Variants in SGCZ observed in about 807,000 individuals in gnomAD.
SGCZ encodes zeta-sarcoglycan.
In SGCZ, 40 loss-of-function variants were observed where a neutral mutation model predicts 41.3. That is an observed-to-expected ratio of 0.97 (90% CI 0.75 to 1.26). The LOEUF (loss-of-function observed/expected upper bound fraction) is 1.26. Among genes scored for constraint, SGCZ ranks in the 50% most tolerant of loss-of-function variants. The probability of loss-of-function intolerance (pLI) is 0.00; values close to 1 mark genes in which losing one functional copy is unlikely to be tolerated. For synonymous variants in SGCZ, 206 were observed against 137.5 expected (o/e 1.50, Z -3.49); for missense variants, 552 against 369.8 (o/e 1.49, Z -4.04).
chr8:14,463,329 A>C (rs1380336846), intron 2 of SGCZ, among the ~76,000 whole-genome samples: 1 of 151,424 alleles, frequency 6.6e-6, no homozygotes, highest in Admixed American at 6.6e-5. Flanking sequence ...AGATACAGTA[A>C]TCAATAGTGT....
At chr8:15,164,319 T>G (rs145637126) in intron 1 of SGCZ, among the ~76,000 whole-genome samples, 167 of 152,222 alleles carry the variant, frequency 1.1e-3, no homozygotes, top group Admixed American at 2.1e-3. Context: ...TGCCTTTTTC[T>G]TCCTTTTACA....
chr8:14,776,277 G>A (rs545277693), intron 1 of SGCZ, among the ~76,000 whole-genome samples: 8 of 152,072 alleles, frequency 5.3e-5, no homozygotes, highest in South Asian at 2.1e-4. Context: ...GAATCATGGG[G>A]GTGGTTTCCC....
intron 4 of SGCZ, among the ~76,000 whole-genome samples, chr8:14,177,675 ATTTTTT>A (rs1193141913): frequency 1.2e-4 from 13 of 111,336 alleles, no homozygotes; most frequent in African/African-American, 2.6e-4. Context: ...ACGCCCTGCT[ATTTTTT>A]TTTTTTTTTT....
chr8:14,231,949 A>T (rs1806586243), intron 4 of SGCZ, among the ~76,000 whole-genome samples: 2 of 152,100 alleles, frequency 1.3e-5, no homozygotes, highest in African/African-American at 4.8e-5. Context: ...ACATTTACTA[A>T]TAGAAACTTT....
chr8:15,090,100 G>A (rs1806101306), intron 1 of SGCZ, among the ~76,000 whole-genome samples: 1 of 152,256 alleles, frequency 6.6e-6, no homozygotes, highest in East Asian at 1.9e-4. Flanking sequence ...TACTGACAAA[G>A]TGCCTTAAAA....
At chr8:14,121,130 C>G (rs1802683935) in intron 5 of SGCZ, among the ~76,000 whole-genome samples, 1 of 152,076 alleles carries the variant, frequency 6.6e-6, no homozygotes, top group African/African-American at 2.4e-5. Context: ...AGATATCCTT[C>G]TCACGGAAAC....
At chr8:14,421,854 GA>G (rs1167639286) in intron 2 of SGCZ, among the ~76,000 whole-genome samples, 1 of 151,862 alleles carries the variant, frequency 6.6e-6, no homozygotes, top group Non-Finnish European at 1.5e-5. Flanking sequence ...ATTTAAAGAG[GA>G]AAAAAATACT....
rs150947964 is a variant in SGCZ, at chr8:14,452,638, T to G, written c.234+102094A>C. 4.0e-3 allele frequency among the ~76,000 whole-genome samples: 615 copies of G among 152,284 alleles called. 10 individuals carry two copies. The highest frequency in any genetic ancestry group is 0.014 in the African/African-American group (583 of 41,564). Reference sequence around the variant, plus strand: ...TTATGATGTTCCATGGCATGTTCACTGATTGTAACAAATGTACAACTCTGG... The same window carrying G: ...TTATGATGTTCCATGGCATGTTCACGGATTGTAACAAATGTACAACTCTGG... On this transcript the variant is annotated intron_variant, in intron 2 of 7. Transcript: ENST00000382080.
intron 4 of SGCZ, among the ~76,000 whole-genome samples, chr8:14,188,887 A>G (rs1259950765): frequency 1.4e-5 from 2 of 143,362 alleles, no homozygotes; most frequent in East Asian, 4.1e-4. Context: ...GCTGGAGTGC[A>G]ATGGCACATT....
chr8:14,166,592 C>T (rs1044274960), intron 4 of SGCZ, among the ~76,000 whole-genome samples: 2 of 152,164 alleles, frequency 1.3e-5, no homozygotes, highest in African/African-American at 4.8e-5. Flanking sequence ...CAAATATACT[C>T]AGTTGCTGAG....
intron 1 of SGCZ, among the ~76,000 whole-genome samples, chr8:14,731,030 A>G (rs1810221284): frequency 6.6e-6 from 1 of 151,730 alleles, no homozygotes; most frequent in Non-Finnish European, 1.5e-5. Flanking sequence ...CAACCCCATT[A>G]CTAGGTATAT....
At chr8:15,013,018 C>A (rs1055598182) in intron 1 of SGCZ, among the ~76,000 whole-genome samples, 1 of 151,998 alleles carries the variant, frequency 6.6e-6, no homozygotes, top group East Asian at 1.9e-4. Context: ...GTGTCTGGTG[C>A]CAACTTCTTA....
chr8:14,949,759 G>C (rs1021812200), intron 1 of SGCZ, among the ~76,000 whole-genome samples: 1 of 151,982 alleles, frequency 6.6e-6, no homozygotes, highest in African/African-American at 2.4e-5. Flanking sequence ...TAATTATAAA[G>C]TTTTGTTTTG....
chr8:15,172,287 G>C (rs112237394), intron 1 of SGCZ, among the ~76,000 whole-genome samples: 5 of 145,248 alleles, frequency 3.4e-5, no homozygotes, highest in South Asian at 4.5e-4. Flanking sequence ...TCAGCCTCCC[G>C]AGTAGCTGGG....
chr8:14,904,283 A>G (rs10100097), intron 1 of SGCZ, among the ~76,000 whole-genome samples: 30,365 of 151,918 alleles, frequency 0.2, 3,295 homozygotes, highest in Admixed American at 0.31. Context: ...CGTTCCTGAA[A>G]ACAGCATTGT....
At chr8:14,147,760 C>A (rs140541184) in intron 5 of SGCZ, among the ~76,000 whole-genome samples, 28 of 152,184 alleles carry the variant, frequency 1.8e-4, no homozygotes, top group Admixed American at 1.3e-3. Flanking sequence ...AATACATATT[C>A]TTTTCCTCAG....
intron 2 of SGCZ, among the ~76,000 whole-genome samples, chr8:14,395,054 G>T (rs1287603874): frequency 6.6e-6 from 1 of 152,154 alleles, no homozygotes; most frequent in African/African-American, 2.4e-5. Flanking sequence ...CAATTCTGAA[G>T]ATTAAATCAA....
At chr8:14,812,062 G>T (rs1295517687) in intron 1 of SGCZ, among the ~76,000 whole-genome samples, 1 of 151,780 alleles carries the variant, frequency 6.6e-6, no homozygotes, top group Admixed American at 6.6e-5. Context: ...TATAGTAAAG[G>T]ATCAGCAAAT....
intron 1 of SGCZ, among the ~76,000 whole-genome samples, chr8:14,836,669 T>C (rs1029022378): frequency 1.3e-5 from 2 of 152,090 alleles, no homozygotes; most frequent in African/African-American, 4.8e-5. Flanking sequence ...AGGTAATTCT[T>C]TTAGTATTTT....
Sources: gnomAD v4.1 joint callset for allele counts (sites outside exome capture counted in the v4.1 genomes callset) on GRCh38, gnomAD v4.1.1 for gene constraint, MANE v1.5 for transcripts, NCBI Gene and HGNC (gene_info 2026-07-23, HGNC 2026-07-21) for gene names.